Variants in MORC3 observed in about 807,000 individuals in gnomAD.
The protein encoded by MORC3 is MORC family CW-type zinc finger protein 3.
In MORC3, 31 loss-of-function variants were observed where a neutral mutation model predicts 109.1. The ratio of observed to expected loss-of-function variants is 0.28; its 90% CI spans 0.21 to 0.38. The LOEUF (loss-of-function observed/expected upper bound fraction) is 0.38, where lower values mean the gene tolerates loss of function less well. Among genes scored for constraint, MORC3 ranks in the 10% least tolerant of loss-of-function variants. The probability of loss-of-function intolerance (pLI) is 1.00; values close to 1 mark genes in which losing one functional copy is unlikely to be tolerated. For synonymous variants in MORC3, 395 were observed against 380.7 expected (o/e 1.04, Z -0.44); for missense variants, 867 against 1,135.8 (o/e 0.76, Z 3.40).
At chr21:36,328,512 T>C (rs1302924883) in intron 1 of MORC3, among the ~76,000 whole-genome samples, 1 of 152,138 alleles carries the variant, frequency 6.6e-6, no homozygotes, top group Non-Finnish European at 1.5e-5. Flanking sequence ...GGATATTTTT[T>C]GTATTTTTAG....
intron 1 of MORC3, among the ~76,000 whole-genome samples, chr21:36,332,566 A>G (rs969200342): frequency 2.6e-5 from 4 of 152,176 alleles, no homozygotes; most frequent in African/African-American, 7.2e-5. Flanking sequence ...GCAGCTTGGC[A>G]TTTTGCCTTA....
chr21:36,338,391 A>C (rs1226506490), intron 4 of MORC3, among the ~76,000 whole-genome samples: 1 of 152,286 alleles, frequency 6.6e-6, no homozygotes, highest in East Asian at 1.9e-4. Flanking sequence ...CTGCCATGTT[A>C]AAACTTAGAA....
Position 36,338,640 on chromosome 21 carries a change from C to T in MORC3, c.461-134C>T, listed in dbSNP as rs1003004088. The T allele has an allele frequency of 4.6e-5, 39 of 852,574 alleles. No homozygotes were observed. The East Asian group carries it at 1.1e-3, about 24-fold the overall frequency. The allele number at this position is 852,574 out of a possible 1,614,324, so 52.8% of individuals were successfully genotyped here. A position where few individuals can be genotyped will look rare whatever the true frequency, so the allele number is the denominator to read the frequency against. The stretch of plus-strand genomic sequence containing the variant: ...CTCTAGCCTAAGCAATAGTGAGACC[C>T]TATCTCACAAAAAAAAAAACCTTAG... On this transcript the variant is annotated intron_variant, in intron 4 of 16. Coordinates refer to ENST00000400485, the MANE Select transcript of MORC3 (RefSeq NM_015358.3).
intron 1 of MORC3, among the ~76,000 whole-genome samples, chr21:36,321,738 C>A (rs1297138083): frequency 6.6e-6 from 1 of 152,064 alleles, no homozygotes; most frequent in South Asian, 2.1e-4. Context: ...CTTCTCTCTC[C>A]TTCCTCTCTC....
Position 36,353,355 on chromosome 21 carries a change from C to CAAA in MORC3, c.1104-3242_1104-3240dup, listed in dbSNP as rs35837458. 7.2e-4 allele frequency among the ~76,000 whole-genome samples: 40 copies of CAAA among 55,612 alleles called. 1 individual carries two copies. The highest frequency in any genetic ancestry group is 3.9e-3 in the East Asian group (7 of 1,798). 36.5% of individuals were successfully genotyped at this position (55,612 alleles called of 152,430 possible). A position where few individuals can be genotyped will look rare whatever the true frequency, so the allele number is the denominator to read the frequency against. ...TTGGTGACAGAGAGAGACTCTGTCT[C>CAAA]AAAAAAAAAAAAAAAAAAAAAAAAA... On this transcript the variant is annotated intron_variant, in intron 9 of 16. Coordinates refer to ENST00000400485, the MANE Select transcript of MORC3 (RefSeq NM_015358.3).
chr21:36,323,715 TG>T (rs1417998286), intron 1 of MORC3, among the ~76,000 whole-genome samples: 1 of 152,236 alleles, frequency 6.6e-6, no homozygotes, highest in African/African-American at 2.4e-5. Context: ...TGCATTTTAT[TG>T]GGCACTTAGC....
At chr21:36,340,638 CTT>C (rs34899654) in intron 5 of MORC3, among the ~76,000 whole-genome samples, 14 of 123,662 alleles carry the variant, frequency 1.1e-4, no homozygotes, top group Admixed American at 1.8e-4. Flanking sequence ...TTCTTTCTTT[CTT>C]TTTTTTTTTT....
chr21:36,354,292 T>A (rs1424694072), intron 9 of MORC3, among the ~76,000 whole-genome samples: 1 of 151,276 alleles, frequency 6.6e-6, no homozygotes, highest in Admixed American at 6.6e-5. Context: ...TCTGACTTAT[T>A]TCCATTTTTG....
chr21:36,366,008 T>G (rs1293292224), intron 14 of MORC3, among the ~76,000 whole-genome samples: 1 of 152,196 alleles, frequency 6.6e-6, no homozygotes, highest in Admixed American at 6.6e-5. Context: ...GGTTTTGTAG[T>G]TTATAGATAA....
chr21:36,359,830 T>TA, intron 10 of MORC3, 125 bp from the exon 11 acceptor site: 2 of 1,387,496 alleles, frequency 1.4e-6, no homozygotes, highest in Non-Finnish European at 2.0e-6. Context: ...TTGAAAGAGT[T>TA]ACGTCATAAT....
At chr21:36,331,219 G>A (rs1428805274) in intron 1 of MORC3, among the ~76,000 whole-genome samples, 1 of 152,106 alleles carries the variant, frequency 6.6e-6, no homozygotes, top group Admixed American at 6.5e-5. Flanking sequence ...CCCTTATTAG[G>A]AGAGAATCTG....
chr21:36,348,520 G>T (rs578132420), intron 8 of MORC3, among the ~76,000 whole-genome samples: 1 of 152,310 alleles, frequency 6.6e-6, no homozygotes, highest in Non-Finnish European at 1.5e-5. Context: ...CAATTCTCCT[G>T]CCTCAGCCTC....
rs757157841 is a variant in MORC3 at position 36,341,421 on chromosome 21, G to A, written c.631G>A (p.Asp211Asn). The change falls in exon 6 of 17, where the codon GAT (aspartate) becomes AAT (asparagine). Residue 211 changes from aspartate (D) to asparagine (N), a missense_variant. By Grantham distance (23) the Asp-to-Asn change is conservative. This residue lies in a region of MORC3 where 134 missense variants were observed against 166.6 expected (regional missense o/e 0.80). Transcript: ENST00000400485. ...CAGCTACAAAAATGCAACAGAGTTC[G>A]ATTTTGAAAAGGATAAATATGATAT... ...LRSYKNATEFDFEKDKYDIRI... is the reference protein window; with the variant it reads ...LRSYKNATEFNFEKDKYDIRI... 3 of 1,599,242 alleles carry A rather than the reference G, an allele frequency of 1.9e-6. No individual in the cohort carries two copies. Among genetic ancestry groups the A allele is most frequent in the Non-Finnish European group, 2.5e-6 (3 of 1,176,816 alleles).
chr21:36,320,546 G>A, intron 1 of MORC3: 1 of 346,784 alleles, frequency 2.9e-6, no homozygotes, highest in Non-Finnish European at 5.1e-6. Context: ...CAGGGTCGCG[G>A]CTCCTCCTCC....
At chr21:36,325,110 T>A (rs1468327780) in intron 1 of MORC3, among the ~76,000 whole-genome samples, 2 of 152,198 alleles carry the variant, frequency 1.3e-5, no homozygotes, top group Non-Finnish European at 2.9e-5. Context: ...GGTGATCACA[T>A]AGGAAGGAGT....
Position 36,356,731 on chromosome 21 carries a change from A to G in MORC3, c.1208+7A>G. The G allele has an allele frequency of 6.7e-7, 1 of 1,482,100 alleles. No individual in the cohort carries two copies. The highest frequency in any genetic ancestry group is 1.2e-5 in the South Asian group (1 of 82,912). 91.8% of individuals were successfully genotyped at this position (1,482,100 alleles called of 1,614,324 possible). A position where few individuals can be genotyped will look rare whatever the true frequency, so the allele number is the denominator to read the frequency against. ...TGCCAGTTGAAGATATACAGTAAGT[A>G]CATTTTTAAAACATATCATTTCACT... On this transcript the variant is annotated splice_region_variant and intron_variant, in intron 10 of 16. Transcript: ENST00000400485.
At chr21:36,354,164 C>T (rs117943296) in intron 9 of MORC3, among the ~76,000 whole-genome samples, 3,741 of 151,972 alleles carry the variant, frequency 0.025, 65 homozygotes, top group Admixed American at 0.046. Flanking sequence ...TCTTCATCCT[C>T]GTAGTCTTCG....
chr21:36,344,559 C>A lies in MORC3; in HGVS notation c.757-20C>A, dbSNP rs906098047. 2.5e-6 allele frequency: 4 copies of A among 1,609,608 alleles called. No individual in the cohort carries two copies. The highest frequency in any genetic ancestry group is 3.4e-6 in the Non-Finnish European group (4 of 1,177,900). On this transcript the variant is annotated intron_variant, in intron 6 of 16. Transcript: ENST00000400485. ...TGAGCAAACCTGTAGATACTAACTT[C>A]TTGTTATGTTATTTTCCAGGCTTAT...
At chr21:36,352,398 TGGG>T (rs33993234) in intron 9 of MORC3, among the ~76,000 whole-genome samples, 3 of 140,158 alleles carry the variant, frequency 2.1e-5, no homozygotes, top group African/African-American at 8.2e-5. Context: ...AAAAAAGGGG[TGGG>T]GGGGGGCAGG....
Sources: allele counts gnomAD v4.1 joint callset (sites outside exome capture counted in the v4.1 genomes callset), GRCh38; gene constraint gnomAD v4.1.1; regional missense constraint gnomAD v4.1.1; transcripts MANE v1.5; gene names NCBI Gene and HGNC (gene_info 2026-07-23, HGNC 2026-07-21).